TMC2: variants seen among roughly 807,000 people sequenced by gnomAD.
TMC2 encodes the protein transmembrane channel like 2.
Under a neutral mutation model 105.9 loss-of-function variants are expected in TMC2, and 102 were observed. The ratio of observed to expected loss-of-function variants is 0.96; its 90% CI spans 0.82 to 1.14. The LOEUF (loss-of-function observed/expected upper bound fraction) is 1.14, where lower values mean the gene tolerates loss of function less well. Among genes scored for constraint, TMC2 ranks in the 50% most tolerant of loss-of-function variants. The probability of loss-of-function intolerance (pLI) is 0.00; values close to 1 mark genes in which losing one functional copy is unlikely to be tolerated. For synonymous variants in TMC2, 402 were observed against 422.8 expected (o/e 0.95, Z 0.60); for missense variants, 1,093 against 1,134.3 (o/e 0.96, Z 0.52).
intron 13 of TMC2, among the ~76,000 whole-genome samples, chr20:2,612,842 C>G (rs2086451326): frequency 6.6e-6 from 1 of 152,168 alleles, no homozygotes; most frequent in Non-Finnish European, 1.5e-5. Flanking sequence ...CCTTCGGGTC[C>G]TAGTGATGAT....
At chr20:2,545,205 T>A (rs1342921061) in intron 2 of TMC2, among the ~76,000 whole-genome samples, 1 of 151,966 alleles carries the variant, frequency 6.6e-6, no homozygotes, top group African/African-American at 2.4e-5. Context: ...AGATTCTGTC[T>A]CAAAAATAAG....
chr20:2,611,184 G>T (rs1404875917), intron 12 of TMC2, among the ~76,000 whole-genome samples: 1 of 152,224 alleles, frequency 6.6e-6, no homozygotes, highest in African/African-American at 2.4e-5. Context: ...ATTGGAAAAG[G>T]CAGAGGGAAC....
Position 2,641,632 on chromosome 20 carries a change from C to A in TMC2, c.*281C>A, listed in dbSNP as rs1434189954. ...CTCTGAACCCCACGCTCACAGTGGT[C>A]GACCTTGCCTCCCGATTTTCGGAGT... On this transcript the variant is annotated 3_prime_UTR_variant, in exon 20 of 20. Coordinates refer to ENST00000358864, the MANE Select transcript of TMC2 (RefSeq NM_080751.3). The A allele has an allele frequency of 5.5e-6, 2 of 364,810 alleles. No homozygotes were observed. Among genetic ancestry groups the A allele is most frequent in the African/African-American group, 2.0e-5 (1 of 49,568 alleles). The allele number at this position is 364,810 out of a possible 1,614,324, so 22.6% of individuals were successfully genotyped here. A position where few individuals can be genotyped will look rare whatever the true frequency, so the allele number is the denominator to read the frequency against.
intron 1 of TMC2, 31 bp downstream of exon 1, chr20:2,536,686 G>C: frequency 6.4e-7 from 1 of 1,562,500 alleles, no homozygotes; most frequent in Non-Finnish European, 8.7e-7. Context: ...TGCGGGGCCC[G>C]CCCACAGGGT....
intron 13 of TMC2, among the ~76,000 whole-genome samples, chr20:2,612,929 C>A (rs565443061): frequency 1.3e-5 from 2 of 152,250 alleles, no homozygotes; most frequent in African/African-American, 4.8e-5. Flanking sequence ...TTCACAATAG[C>A]CTTTTGAGAT....
chr20:2,565,158 A>G (rs952047443), intron 4 of TMC2, among the ~76,000 whole-genome samples: 29 of 152,058 alleles, frequency 1.9e-4, no homozygotes, highest in Admixed American at 2.0e-4. Context: ...TCTCTTTTTC[A>G]TCATTTACTA....
intron 2 of TMC2, among the ~76,000 whole-genome samples, chr20:2,549,117 C>G (rs921640070): frequency 3.9e-5 from 6 of 152,180 alleles, no homozygotes; most frequent in African/African-American, 1.4e-4. Context: ...TGCTCTGTTA[C>G]CCAGGCTGGA....
At chr20:2,630,022 A>G (rs1006203556) in intron 17 of TMC2, among the ~76,000 whole-genome samples, 2 of 152,372 alleles carry the variant, frequency 1.3e-5, no homozygotes, top group Admixed American at 6.5e-5. Flanking sequence ...AATGCAGACA[A>G]TAAGGAACCA....
In TMC2 at chr20:2,641,454, A is replaced by G. The variant is rs1159778492; in HGVS notation, c.*103A>G. On this transcript the variant is annotated 3_prime_UTR_variant, in exon 20 of 20. Transcript: ENST00000358864. Reference sequence around the variant, plus strand: ...CTCTCCCCTCTTTCCTCTCACATACATGCTCTGTCTCCTCTCTTGGAATGC... The same window carrying G: ...CTCTCCCCTCTTTCCTCTCACATACGTGCTCTGTCTCCTCTCTTGGAATGC... 1 of 683,172 alleles carries G rather than the reference A, an allele frequency of 1.5e-6. No homozygotes were observed. Among genetic ancestry groups the G allele is most frequent in the African/African-American group, 1.8e-5 (1 of 56,102 alleles). 42.3% of individuals were successfully genotyped at this position (683,172 alleles called of 1,614,324 possible).
rs1180401051 is a variant in TMC2 at position 2,580,013 on chromosome 20, T to C, written c.791T>C (p.Leu264Pro). The C allele has an allele frequency of 6.2e-7, 1 of 1,613,954 alleles. No homozygotes were observed. ...CTCCGATGGATGTATGGAGTTAACCTTGTCCTTTTTGGCTTAATATTTGGT... is the reference window on the plus strand; with the variant it reads ...CTCCGATGGATGTATGGAGTTAACCCTGTCCTTTTTGGCTTAATATTTGGT... ...IFLRWMYGVN[L>P]VLFGLIFGLV... The change falls in exon 7 of 20, where the codon CTT becomes CCT. Residue 264 changes from leucine (L) to proline (P), a missense_variant. Coordinates refer to ENST00000358864, the MANE Select transcript of TMC2 (RefSeq NM_080751.3).
Position 2,592,409 on chromosome 20 carries a change from G to C in TMC2, c.933+1G>C, listed in dbSNP as rs750556547. On this transcript the variant is annotated splice_donor_variant, in intron 8 of 19. Coordinates refer to ENST00000358864, the MANE Select transcript of TMC2 (RefSeq NM_080751.3). LOFTEE classifies it high-confidence loss of function. This position sits in a 1 kb window ranked among gnomAD's most constrained non-coding sequence, Gnocchi z 4.9. ...TTTTTCTGTCCTTTGGGATTTTGAG[G>C]TACTATTGTCAACATGCCAATGAAC... 6.9e-6 allele frequency: 11 copies of C among 1,602,690 alleles called. No homozygotes were observed. In the South Asian group the frequency reaches 1.1e-4, roughly 16 times the overall value.
Position 2,537,327 on chromosome 20 carries a change from G to T in TMC2, c.82+11G>T. ...GCTCTCCACACACAGGTGAGATGGG[G>T]TGGTGGGGTCTCTGGGGAGCCTGCA... On this transcript the variant is annotated intron_variant, in intron 2 of 19. Coordinates refer to ENST00000358864, the MANE Select transcript of TMC2 (RefSeq NM_080751.3). The T allele has an allele frequency of 1.3e-6, 2 of 1,595,648 alleles. No individual in the cohort carries two copies. Among genetic ancestry groups the T allele is most frequent in the Non-Finnish European group, 1.7e-6 (2 of 1,171,022 alleles).
intron 11 of TMC2, among the ~76,000 whole-genome samples, chr20:2,606,539 T>C (rs978362047): frequency 2.0e-5 from 3 of 152,196 alleles, no homozygotes; most frequent in African/African-American, 7.2e-5. Flanking sequence ...GGATTACAAG[T>C]GTGAGCCACC....
intron 18 of TMC2, among the ~76,000 whole-genome samples, chr20:2,636,459 T>TACACAC (rs3051763): frequency 0.077 from 11,065 of 143,410 alleles, 490 homozygotes; most frequent in East Asian, 0.15. Flanking sequence ...GACTGCTGTC[T>TACACAC]ACACACACAC....
Position 2,624,347 on chromosome 20 carries a change from G to A in TMC2, c.2257G>A (p.Ala753Thr), listed in dbSNP as rs753655502. ...CCCAACCTTCCTGGGCAAGATCTTT[G>A]CTTTCCTCGCCAATCCAGGCCTGAT... ...DFPTFLGKIF[A>T]FLANPGLIIP... The change falls in exon 17 of 20, where the codon GCT becomes ACT. Residue 753 changes from alanine (A) to threonine (T), a missense_variant. By Grantham distance (58) the Ala-to-Thr change is moderately conservative. Transcript: ENST00000358864. 9 of 1,614,148 alleles carry A rather than the reference G, an allele frequency of 5.6e-6. No homozygotes were observed. In the South Asian group the frequency reaches 8.8e-5, roughly 16 times the overall value.
intron 7 of TMC2, among the ~76,000 whole-genome samples, chr20:2,582,391 G>A (rs1435776800): frequency 6.6e-6 from 1 of 152,166 alleles, no homozygotes; most frequent in Admixed American, 6.5e-5. Context: ...ACCCATGGAT[G>A]TTTTAAAATG....
At chr20:2,576,899 G>GT (rs1203010872) in intron 5 of TMC2, among the ~76,000 whole-genome samples, 8 of 128,192 alleles carry the variant, frequency 6.2e-5, no homozygotes, top group African/African-American at 2.4e-4. Flanking sequence ...GTTTCTTCTT[G>GT]GTTTTTTTTT....
At chr20:2,595,719 C>T (rs77411708) in intron 9 of TMC2, among the ~76,000 whole-genome samples, 2,707 of 151,756 alleles carry the variant, frequency 0.018, 83 homozygotes, top group African/African-American at 0.06. Context: ...CACCTGGGCC[C>T]ACTCTCCCTT....
intron 2 of TMC2, among the ~76,000 whole-genome samples, chr20:2,549,028 T>A (rs544339113): frequency 6.6e-6 from 1 of 152,362 alleles, no homozygotes; most frequent in African/African-American, 2.4e-5. Flanking sequence ...TGCCAAATTT[T>A]TACCTAATTT....
Sources: gnomAD v4.1 joint callset for allele counts (sites outside exome capture counted in the v4.1 genomes callset) on GRCh38, gnomAD v4.1.1 for gene constraint, Gnocchi (gnomAD v3.1) non-coding constraint, MANE v1.5 for transcripts, NCBI Gene and HGNC (gene_info 2026-07-23, HGNC 2026-07-21) for gene names.